The following ITPR2 variants were observed in gnomAD, a reference collection of about 807,000 sequenced individuals.
ITPR2 encodes inositol 1,4,5-trisphosphate receptor type 2.
A neutral mutation model predicts 317.1 loss-of-function variants in ITPR2; 207 were observed. That is an observed-to-expected ratio of 0.65 (90% CI 0.58 to 0.73). The LOEUF is 0.73. Ranked by LOEUF, ITPR2 falls within the 30% of genes least tolerant of loss-of-function variation. ITPR2 has a pLI of 0.00. For synonymous variants in ITPR2, 1,156 were observed against 1,149.1 expected (o/e 1.01, Z -0.12); for missense variants, 2,613 against 3,284.0 (o/e 0.80, Z 4.99).
At chr12:26,414,050 T>TATATATACACACAC (rs1555121665) in intron 51 of ITPR2, among the ~76,000 whole-genome samples, 1 of 138,114 alleles carries the variant, frequency 7.2e-6, no homozygotes. Context: ...TGTATATATG[T>TATATATACACACAC]ACACACACAC....
At chr12:26,400,756 C>A (rs141316424) in intron 52 of ITPR2, 1 of 152,314 alleles carries the variant, frequency 6.6e-6, no homozygotes, top group African/African-American at 2.4e-5. Flanking sequence ...AACACAGCCA[C>A]GTTACCCAGG....
intron 21 of ITPR2, among the ~76,000 whole-genome samples, chr12:26,635,011 A>T (rs1946835524): frequency 6.6e-6 from 1 of 152,198 alleles, no homozygotes; most frequent in Non-Finnish European, 1.5e-5. Context: ...CAAGAAAAAA[A>T]ATCTAAAAGA....
At chr12:26,711,938 T>C (rs183583360) in intron 8 of ITPR2, among the ~76,000 whole-genome samples, 5 of 152,350 alleles carry the variant, frequency 3.3e-5, no homozygotes, top group Admixed American at 3.3e-4. Flanking sequence ...ATGCTTTTTA[T>C]TGACAGCATG....
At position 26,439,040 on chromosome 12, in the gene ITPR2, A is replaced by G. The variant is rs1201589631; in HGVS notation, c.6643+87T>C. ...AGACCAGCAAGAAATTAAAAAAACA[A>G]TTTAAATGAGCTGCATCATGTGTCC... On this transcript the variant is annotated intron_variant, in intron 47 of 56. Transcript: ENST00000381340. 4.9e-6 allele frequency: 4 copies of G among 822,058 alleles called. No homozygotes were observed. In the African/African-American group the frequency reaches 5.2e-5, roughly 11 times the overall value. The allele number at this position is 822,058 out of a possible 1,614,324, so 50.9% of individuals were successfully genotyped here.
chr12:26,455,854 A>G (rs956922696), intron 45 of ITPR2, among the ~76,000 whole-genome samples: 3 of 152,218 alleles, frequency 2.0e-5, no homozygotes, highest in African/African-American at 7.2e-5. Flanking sequence ...GGATTATATA[A>G]TGAGGTCATG....
At chr12:26,645,456 G>T (rs4964010) in intron 21 of ITPR2, among the ~76,000 whole-genome samples, 98,945 of 152,028 alleles carry the variant, frequency 0.65, 32,561 homozygotes, top group East Asian at 0.89. Context: ...ACCACATATG[G>T]AAGATGGGTA....
chr12:26,599,299 T>A lies in ITPR2; in HGVS notation c.3848A>T (p.His1283Leu). ...TCTCTCGCTAATTTCGTTGCACAGA[T>A]GGTAATTGTTCATGAAGATGTGCCG... is the stretch of plus-strand genomic sequence containing the variant. ...TMRHIFMNNY[H>L]LCNEISERVV... Residue 1283 changes from histidine to leucine, a missense_variant, in exon 30 of 57, where the codon CAT becomes CTT. His to Leu is a moderately conservative substitution (Grantham distance 99, BLOSUM62 -3). Transcript: ENST00000381340. The A allele has an allele frequency of 6.2e-7, 1 of 1,614,116 alleles. No individual in the cohort carries two copies. The highest frequency in any genetic ancestry group is 8.5e-7 in the Non-Finnish European group (1 of 1,179,948).
intron 32 of ITPR2, among the ~76,000 whole-genome samples, chr12:26,585,064 A>T (rs977863002): frequency 2.0e-5 from 3 of 152,210 alleles, no homozygotes; most frequent in African/African-American, 7.2e-5. Flanking sequence ...CATTTTCATA[A>T]TACCAATACA....
rs573462015 is a variant in ITPR2 at position 26,559,744 on chromosome 12, A to G, written c.4821+2018T>C. 3.3e-5 allele frequency among the ~76,000 whole-genome samples: 5 copies of G among 152,260 alleles called. No homozygotes were observed. In the South Asian group the frequency reaches 1.0e-3, roughly 32 times the overall value. Reference sequence around the variant, plus strand: ...CCCAGTGGGCTTTTCTTGGATCTTCAAACCCATCAACCTCCTGTCTAAGCA... The same window carrying G: ...CCCAGTGGGCTTTTCTTGGATCTTCGAACCCATCAACCTCCTGTCTAAGCA... On this transcript the variant is annotated intron_variant, in intron 35 of 56. Coordinates refer to ENST00000381340, the MANE Select transcript of ITPR2 (RefSeq NM_002223.4).
chr12:26,515,987 G>T (rs535832940), intron 37 of ITPR2, among the ~76,000 whole-genome samples: 36 of 151,240 alleles, frequency 2.4e-4, no homozygotes, highest in African/African-American at 8.5e-4. Flanking sequence ...GTGGTGGTGT[G>T]GTGTCATGAG....
chr12:26,429,909 G>T (rs1429365575), intron 48 of ITPR2, among the ~76,000 whole-genome samples: 1 of 152,070 alleles, frequency 6.6e-6, no homozygotes, highest in African/African-American at 2.4e-5. Flanking sequence ...AGAATAATTT[G>T]GCATAGATAG....
chr12:26,681,782 G>T, intron 13 of ITPR2, 92 bp downstream of exon 13: 2 of 903,134 alleles, frequency 2.2e-6, no homozygotes, highest in Non-Finnish European at 3.4e-6. Flanking sequence ...AGAATGTTCT[G>T]AATATTCCCT....
At chr12:26,729,731 C>T (rs112027998) in intron 2 of ITPR2, among the ~76,000 whole-genome samples, 4,964 of 151,900 alleles carry the variant, frequency 0.033, 281 homozygotes, top group African/African-American at 0.11. Flanking sequence ...TATTTAGCTC[C>T]CACTTATAAG....
At chr12:26,610,948 G>A (rs192622166) in intron 26 of ITPR2, among the ~76,000 whole-genome samples, 5 of 152,282 alleles carry the variant, frequency 3.3e-5, no homozygotes, top group East Asian at 1.9e-4. Context: ...CCATCTCCCC[G>A]CACAGGAGTG....
At chr12:26,735,086 C>T (rs192520807) in intron 2 of ITPR2, among the ~76,000 whole-genome samples, 3 of 151,378 alleles carry the variant, frequency 2.0e-5, no homozygotes, top group Admixed American at 2.0e-4. Context: ...CCACAACCTC[C>T]GCCTCCTGGG....
At chr12:26,606,672 C>T (rs1946135744) in intron 26 of ITPR2, among the ~76,000 whole-genome samples, 1 of 151,868 alleles carries the variant, frequency 6.6e-6, no homozygotes, top group Admixed American at 6.6e-5. Flanking sequence ...TAACTCATGC[C>T]TATAACCCCT....
At chr12:26,402,859 C>T (rs1444301201) in intron 52 of ITPR2, among the ~76,000 whole-genome samples, 1 of 152,162 alleles carries the variant, frequency 6.6e-6, no homozygotes, top group Non-Finnish European at 1.5e-5. Context: ...AATCAGCTGG[C>T]CTTGCCCATG....
intron 1 of ITPR2, among the ~76,000 whole-genome samples, chr12:26,827,696 A>G (rs1951029165): frequency 6.6e-6 from 1 of 152,242 alleles, no homozygotes; most frequent in South Asian, 2.1e-4. Flanking sequence ...ATTATCTTGA[A>G]ATACTGTGTA....
intron 51 of ITPR2, among the ~76,000 whole-genome samples, chr12:26,414,507 T>G (rs7968229): frequency 0.13 from 19,500 of 151,948 alleles, 1,936 homozygotes; most frequent in East Asian, 0.37. Context: ...AGAGAAACCA[T>G]TAGCAAAGTG....
Sources: gnomAD v4.1 joint callset for allele counts (sites outside exome capture counted in the v4.1 genomes callset) on GRCh38, gnomAD v4.1.1 for gene constraint, MANE v1.5 for transcripts, NCBI Gene and HGNC (gene_info 2026-07-23, HGNC 2026-07-21) for gene names.